Variants in PACRGL observed in about 807,000 individuals in gnomAD.
PACRGL encodes the protein PACRG-like protein.
PACRGL carries 38 observed loss-of-function variants against 34.5 expected under a neutral mutation model. That is an observed-to-expected ratio of 1.10 (90% confidence interval 0.85 to 1.44). PACRGL has a LOEUF of 1.44. PACRGL is among the 40% of genes most tolerant of loss of function. The probability of loss-of-function intolerance (pLI) is 0.00; values close to 1 mark genes in which losing one functional copy is unlikely to be tolerated. For missense variants in PACRGL, 305 were observed against 281.4 expected, an observed-to-expected ratio of 1.08 and a Z score of -0.60; for synonymous variants, 128 against 100.1, an observed-to-expected ratio of 1.28 and a Z score of -1.66.
At chr4:20,721,921 A>G (rs1308303290) in intron 7 of PACRGL, among the ~76,000 whole-genome samples, 1 of 152,180 alleles carries the variant, frequency 6.6e-6, no homozygotes, top group African/African-American at 2.4e-5. Context: ...CTGCCCCCAG[A>G]GGTGGAGTCT....
Position 20,729,466 on chromosome 4 carries a change from A to ATAAACTAAT in PACRGL, c.*2127_*2135dup, listed in dbSNP as rs1560391788. The ATAAACTAAT allele has an allele frequency of 7.6e-6, 1 of 132,368 alleles. No individual in the cohort carries two copies. The highest frequency in any genetic ancestry group is 2.6e-5 in the African/African-American group (1 of 38,826). 8.2% of individuals were successfully genotyped at this position (132,368 alleles called of 1,614,324 possible). On this transcript the variant is annotated 3_prime_UTR_variant, in exon 9 of 9. Transcript: ENST00000503585. The stretch of plus-strand genomic sequence containing the variant: ...ATTAGGCATATGCTGATATCTGATA[A>ATAAACTAAT]TAAACTAATTTTTAAATGTTTAATA...
chr4:20,707,619 AAG>A (rs1735116302), intron 3 of PACRGL, among the ~76,000 whole-genome samples, 182 bp from the exon 4 acceptor site: 1 of 151,282 alleles, frequency 6.6e-6, no homozygotes, highest in Non-Finnish European at 1.5e-5. Context: ...TTAGGGGAAA[AAG>A]AGATGTACCA....
chr4:20,723,227 G>T (rs1443543783), intron 7 of PACRGL, among the ~76,000 whole-genome samples: 1 of 152,088 alleles, frequency 6.6e-6, no homozygotes, highest in East Asian at 1.9e-4. Context: ...CATGTCAGGG[G>T]GTGTGGCTGA....
At chr4:20,763,540 T>G in the PACRGL span, among the ~76,000 whole-genome samples, 21 of 152,186 alleles carry the variant, frequency 1.4e-4, no homozygotes, top group Admixed American at 1.2e-3. Context: ...TCTCATTTTT[T>G]TTGTTGTTAG....
downstream of PACRGL, among the ~76,000 whole-genome samples, chr4:20,754,297 A>G (rs906102994): frequency 6.6e-6 from 1 of 152,160 alleles, no homozygotes; most frequent in Non-Finnish European, 1.5e-5. Flanking sequence ...ACACAATACA[A>G]ATTGCAGAGA....
intron 8 of PACRGL, among the ~76,000 whole-genome samples, chr4:20,743,054 G>C (rs1302708778): frequency 2.4e-5 from 3 of 123,364 alleles, no homozygotes; most frequent in Non-Finnish European, 3.4e-5. Flanking sequence ...TTATAAGGGT[G>C]TGAAGGACCC....
In PACRGL at chr4:20,732,183, TG is replaced by T; in HGVS notation, c.*4844del. The T allele has an allele frequency of 1.4e-6, 1 of 708,824 alleles. No homozygotes were observed. The highest frequency in any genetic ancestry group is 2.7e-5 in the Admixed American group (1 of 36,608). The allele number at this position is 708,824 out of a possible 1,614,324, so 43.9% of individuals were successfully genotyped here. ...AACCTAGCTGCTTATTTATTTCACGTGGAGGAACTGTTTCAGAGCAGGAACC... is the reference window on the plus strand; with the variant it reads ...AACCTAGCTGCTTATTTATTTCACGTGAGGAACTGTTTCAGAGCAGGAACC... On this transcript the variant is annotated 3_prime_UTR_variant, in exon 9 of 9. Coordinates refer to ENST00000503585, the MANE Select transcript of PACRGL (RefSeq NM_001258345.3).
At chr4:20,733,542 TG>T (rs1232510827), downstream of PACRGL, among the ~76,000 whole-genome samples, 1 of 152,170 alleles carries the variant, frequency 6.6e-6, no homozygotes, top group African/African-American at 2.4e-5. Flanking sequence ...TAGAGTAATT[TG>T]TAAACAGGTG....
intron 5 of PACRGL, among the ~76,000 whole-genome samples, chr4:20,712,485 A>G (rs2149098512): frequency 1.3e-5 from 2 of 152,270 alleles, no homozygotes; most frequent in South Asian, 4.1e-4. Context: ...TCTAGAGATT[A>G]TTTAAAGTAT....
intron 8 of PACRGL, chr4:20,749,728 A>G: frequency 1.2e-6 from 2 of 1,604,130 alleles, no homozygotes; most frequent in Non-Finnish European, 1.7e-6. Flanking sequence ...CATATGTTGT[A>G]GAGTCTGAAA....
At chr4:20,705,386 T>A (rs1734062133) in intron 3 of PACRGL, among the ~76,000 whole-genome samples, 1 of 152,116 alleles carries the variant, frequency 6.6e-6, no homozygotes, top group African/African-American at 2.4e-5. Context: ...GATTTCAGCC[T>A]TCGAAGGGGA....
chr4:20,731,901 G>T lies in PACRGL; in HGVS notation c.*4560G>T. ...CATGTTGTAGAAGTGGTAAACTTAGGCATATGATCTCTATATTTCGCCCAG... is the reference window on the plus strand; with the variant it reads ...CATGTTGTAGAAGTGGTAAACTTAGTCATATGATCTCTATATTTCGCCCAG... On this transcript the variant is annotated 3_prime_UTR_variant, in exon 9 of 9. Transcript: ENST00000503585. 6.6e-7 allele frequency: 1 copy of T among 1,509,870 alleles called. No homozygotes were observed. 93.5% of individuals were successfully genotyped at this position (1,509,870 alleles called of 1,614,324 possible). A position where few individuals can be genotyped will look rare whatever the true frequency, so the allele number is the denominator to read the frequency against.
chr4:20,730,237 T>TCATCAACCACCTCA lies in PACRGL; in HGVS notation c.*2896_*2897insCATCAACCACCTCA. The TCATCAACCACCTCA allele has an allele frequency of 7.5e-7, 1 of 1,332,832 alleles. No homozygotes were observed. The highest frequency in any genetic ancestry group is 1.0e-6 in the Non-Finnish European group (1 of 997,288). The allele number at this position is 1,332,832 out of a possible 1,614,324, so 82.6% of individuals were successfully genotyped here. ...TCCCATCAACCACCTCAACCACCTA[T>TCATCAACCACCTCA]GCCAAAAGCTCAAATATTAAGTGTT... On this transcript the variant is annotated 3_prime_UTR_variant, in exon 9 of 9. Transcript: ENST00000503585.
chr4:20,758,801 A>C, the PACRGL span: 727 of 1,590,320 alleles, frequency 4.6e-4, 3 homozygotes, highest in African/African-American at 8.4e-3. Context: ...GTATGTTAAC[A>C]AGTCCACATT....
intron 1 of PACRGL, among the ~76,000 whole-genome samples, chr4:20,702,445 A>G (rs925315685): frequency 6.6e-6 from 1 of 150,848 alleles, no homozygotes; most frequent in African/African-American, 2.4e-5. Context: ...CACTATTAGT[A>G]ATAGTAATAC....
At chr4:20,749,469 G>C (rs1753173608) in intron 8 of PACRGL, among the ~76,000 whole-genome samples, 1 of 152,122 alleles carries the variant, frequency 6.6e-6, no homozygotes, top group Non-Finnish European at 1.5e-5. Flanking sequence ...TAAAGCATTA[G>C]AAAATAAACT....
In PACRGL at chr4:20,731,664, A is replaced by T. The variant is rs1387673679; in HGVS notation, c.*4323A>T. The T allele has an allele frequency of 1.0e-6, 1 of 984,982 alleles. No individual in the cohort carries two copies. Among genetic ancestry groups the T allele is most frequent in the Non-Finnish European group, 1.2e-6 (1 of 829,648 alleles). 61.0% of individuals were successfully genotyped at this position (984,982 alleles called of 1,614,324 possible). On this transcript the variant is annotated 3_prime_UTR_variant, in exon 9 of 9. Coordinates refer to ENST00000503585, the MANE Select transcript of PACRGL (RefSeq NM_001258345.3). ...CTAATGCTGTGGAGATATGATAGAT[A>T]ATATATGAGTGATGCTAAGTTTTGG...
chr4:20,717,092 A>G (rs1448388712), intron 7 of PACRGL, among the ~76,000 whole-genome samples: 2 of 152,100 alleles, frequency 1.3e-5, no homozygotes, highest in South Asian at 4.1e-4. Flanking sequence ...AGTGATGATG[A>G]GCATTTTTTC....
At chr4:20,764,644 C>T in the PACRGL span, among the ~76,000 whole-genome samples, 10 of 151,132 alleles carry the variant, frequency 6.6e-5, no homozygotes, top group African/African-American at 2.4e-4. Flanking sequence ...AAGTCTCACA[C>T]CGAGAGGAGC....
Sources: gnomAD v4.1 joint callset for allele counts (sites outside exome capture counted in the v4.1 genomes callset) on GRCh38, gnomAD v4.1.1 for gene constraint, MANE v1.5 for transcripts, NCBI Gene and HGNC (gene_info 2026-07-23, HGNC 2026-07-21) for gene names.